The following KLF12 variants were observed in gnomAD, a reference collection of about 807,000 sequenced individuals.
KLF12 encodes the protein Krueppel-like factor 12.
A neutral mutation model predicts 37.8 loss-of-function variants in KLF12; 9 were observed. That is an observed-to-expected ratio of 0.24 (90% confidence interval 0.14 to 0.42). KLF12 has a LOEUF of 0.42. Ranked by LOEUF, KLF12 falls within the 10% of genes least tolerant of loss-of-function variation. The pLI, the probability that KLF12 is intolerant of heterozygous loss-of-function variation, is 1.00. For synonymous variants in KLF12, 208 were observed against 202.1 expected (o/e 1.03, Z -0.25); for missense variants, 411 against 516.0 (o/e 0.80, Z 1.97).
chr13:74,188,257 G>A, the KLF12 span, among the ~76,000 whole-genome samples: 5 of 151,918 alleles, frequency 3.3e-5, no homozygotes, highest in Admixed American at 6.6e-5. Flanking sequence ...AATATTTATC[G>A]ACTACCTACT....
intron 6 of KLF12, among the ~76,000 whole-genome samples, chr13:73,763,412 A>G (rs1879697540): frequency 6.6e-6 from 1 of 152,182 alleles, no homozygotes; most frequent in African/African-American, 2.4e-5. Flanking sequence ...AGTGCCTGGG[A>G]CTGTAAATAA....
chr13:74,241,578 A>G, the KLF12 span, among the ~76,000 whole-genome samples: 1 of 151,942 alleles, frequency 6.6e-6, no homozygotes, highest in Non-Finnish European at 1.5e-5. Flanking sequence ...TTGATCTCAG[A>G]CTGCTGTGCT....
At chr13:74,071,641 C>T (rs1397906688) in intron 1 of KLF12, among the ~76,000 whole-genome samples, 1 of 152,038 alleles carries the variant, frequency 6.6e-6, no homozygotes, top group South Asian at 2.1e-4. Context: ...TGCAGTGAGC[C>T]AAGATCGCAC....
intron 1 of KLF12, among the ~76,000 whole-genome samples, chr13:74,075,812 A>T (rs1874527553): frequency 6.6e-6 from 1 of 152,244 alleles, no homozygotes; most frequent in Non-Finnish European, 1.5e-5. Context: ...CAAGACAGGC[A>T]TTTTAAACAT....
At chr13:73,782,504 T>C (rs1286016081) in intron 5 of KLF12, among the ~76,000 whole-genome samples, 1 of 152,218 alleles carries the variant, frequency 6.6e-6, no homozygotes, top group Non-Finnish European at 1.5e-5. Flanking sequence ...TGTACCTAAC[T>C]AGGGGAGTTT....
chr13:74,153,946 G>A, the KLF12 span, among the ~76,000 whole-genome samples: 1 of 152,002 alleles, frequency 6.6e-6, no homozygotes, highest in East Asian at 1.9e-4. Flanking sequence ...CTATTTATTC[G>A]GACGGGTGTG....
intron 5 of KLF12, among the ~76,000 whole-genome samples, chr13:73,781,957 A>G (rs1880993699): frequency 6.6e-6 from 1 of 152,258 alleles, no homozygotes; most frequent in Non-Finnish European, 1.5e-5. Context: ...ACAAAGGATT[A>G]ACATTTCAAT....
the KLF12 span, among the ~76,000 whole-genome samples, chr13:74,262,416 G>C: frequency 6.6e-6 from 1 of 152,162 alleles, no homozygotes; most frequent in African/African-American, 2.4e-5. Flanking sequence ...CTGTCCCTCA[G>C]TATCTATGAG....
At chr13:73,823,260 T>C (rs184890758) in intron 4 of KLF12, among the ~76,000 whole-genome samples, 245 of 151,716 alleles carry the variant, frequency 1.6e-3, no homozygotes, top group African/African-American at 5.9e-3. Context: ...GTACTTTAAA[T>C]GTAAGAAATA....
the KLF12 span, among the ~76,000 whole-genome samples, chr13:74,142,311 G>C: frequency 1.3e-5 from 2 of 152,222 alleles, no homozygotes; most frequent in African/African-American, 4.8e-5. Flanking sequence ...AGGCAAATCT[G>C]TGTCTCCCAA....
intron 3 of KLF12, among the ~76,000 whole-genome samples, chr13:73,884,027 AT>A (rs549035804): frequency 1.3e-5 from 2 of 151,934 alleles, no homozygotes; most frequent in Non-Finnish European, 1.5e-5. Context: ...AAACAGAAAC[AT>A]TTTTTTTGAC....
At chr13:74,048,522 G>A (rs1593856784) in intron 1 of KLF12, among the ~76,000 whole-genome samples, 2 of 152,200 alleles carry the variant, frequency 1.3e-5, no homozygotes, top group South Asian at 4.1e-4. Flanking sequence ...TTAGAGAACA[G>A]AATATTAACA....
chr13:74,268,623 T>C, the KLF12 span, among the ~76,000 whole-genome samples: 1 of 152,168 alleles, frequency 6.6e-6, no homozygotes, highest in African/African-American at 2.4e-5. Flanking sequence ...TTGGAACTCC[T>C]GTTCAGGAGA....
the KLF12 span, among the ~76,000 whole-genome samples, chr13:74,140,040 G>A: frequency 3.0e-4 from 46 of 152,010 alleles, no homozygotes; most frequent in East Asian, 8.5e-3. Flanking sequence ...TATATAGCAC[G>A]TAACATTAGA....
At chr13:73,946,544 G>A (rs17216139) in intron 2 of KLF12, among the ~76,000 whole-genome samples, 12,061 of 152,078 alleles carry the variant, frequency 0.079, 655 homozygotes, top group Non-Finnish European at 0.12. Flanking sequence ...AATTCTACAT[G>A]CAATAAAGTC....
At chr13:73,779,942 T>G (rs535347914) in intron 5 of KLF12, among the ~76,000 whole-genome samples, 1 of 152,176 alleles carries the variant, frequency 6.6e-6, no homozygotes, top group African/African-American at 2.4e-5. Context: ...CTAGATGCCA[T>G]TAAGAACATA....
intron 3 of KLF12, among the ~76,000 whole-genome samples, chr13:73,849,850 G>A (rs1354192883): frequency 6.6e-6 from 1 of 152,138 alleles, no homozygotes; most frequent in Non-Finnish European, 1.5e-5. Flanking sequence ...CCTGGGAGTG[G>A]TGACTATAGC....
At chr13:74,224,033 T>A in the KLF12 span, among the ~76,000 whole-genome samples, 4 of 152,202 alleles carry the variant, frequency 2.6e-5, no homozygotes, top group African/African-American at 9.7e-5. Flanking sequence ...CTGCTTCTCC[T>A]ATTGTGTATT....
chr13:73,971,851 A>G (rs1891353561), intron 2 of KLF12, among the ~76,000 whole-genome samples: 1 of 152,212 alleles, frequency 6.6e-6, no homozygotes. Context: ...GCAACACAGC[A>G]AGACCCCATT....
Sources: allele counts gnomAD v4.1 joint callset (sites outside exome capture counted in the v4.1 genomes callset), GRCh38; gene constraint gnomAD v4.1.1; transcripts MANE v1.5; gene names NCBI Gene and HGNC (gene_info 2026-07-23, HGNC 2026-07-21).